The following HMGN5 variants were observed in gnomAD, a reference collection of about 807,000 sequenced individuals.
HMGN5 encodes high mobility group nucleosome binding domain 5.
In HMGN5, 4 loss-of-function variants were observed where a neutral mutation model predicts 9.5. The observed-to-expected ratio is 0.42, with a 90% CI of 0.21 to 0.96. HMGN5 has a LOEUF of 0.96. Ranked by LOEUF, HMGN5 falls within the 40% of genes least tolerant of loss-of-function variation. HMGN5 has a pLI of 0.30. For missense variants in HMGN5, 192 were observed against 187.5 expected (o/e 1.02, Z -0.14); for synonymous variants, 55 against 57.1 (o/e 0.96, Z 0.16).
At chrX:81,154,884 G>A (rs1185414255) in intron 1 of HMGN5, among the ~76,000 whole-genome samples, 1 of 108,291 alleles carries the variant, frequency 9.2e-6, no homozygotes, top group African/African-American at 3.4e-5. Flanking sequence ...ATGCTGGTGA[G>A]GATGTAAAGA....
At chrX:81,153,036 C>T (rs1419140038) in intron 1 of HMGN5, among the ~76,000 whole-genome samples, 46 of 104,319 alleles carry the variant, frequency 4.4e-4, no homozygotes, top group African/African-American at 1.5e-3. Context: ...GGGAGATATA[C>T]CTAATGCTAA....
chrX:81,121,694 C>G (rs1556034179), intron 1 of HMGN5, 22 bp from the exon 2 acceptor site: 3 of 407,072 alleles, frequency 7.4e-6, no homozygotes, highest in South Asian at 5.3e-5. Flanking sequence ...AAAAATCCCT[C>G]GTTATTGGCA....
intron 1 of HMGN5, among the ~76,000 whole-genome samples, chrX:81,141,491 A>AG (rs1556037110): frequency 9.6e-4 from 104 of 108,142 alleles, no homozygotes; most frequent in Non-Finnish European, 1.6e-3. Context: ...AGAGAGAGAG[A>AG]AAGAGAGAGA....
chrX:81,198,323 TTCAC>T (rs1451584059), intron 1 of HMGN5, among the ~76,000 whole-genome samples: 2 of 111,220 alleles, frequency 1.8e-5, no homozygotes, highest in African/African-American at 6.6e-5. Context: ...TTTTAGTACT[TTCAC>T]TCTTCCAGGC....
intron 1 of HMGN5, among the ~76,000 whole-genome samples, chrX:81,199,271 A>G (rs1490091463): frequency 8.9e-6 from 1 of 112,278 alleles, no homozygotes; most frequent in Non-Finnish European, 1.9e-5. Context: ...CATGGATAGG[A>G]AGAATCAATA....
intron 1 of HMGN5, among the ~76,000 whole-genome samples, chrX:81,126,824 G>A (rs886289278): frequency 2.7e-5 from 3 of 111,161 alleles, no homozygotes; most frequent in Non-Finnish European, 5.7e-5. Flanking sequence ...TGATTACTAC[G>A]GTCAAGCAAG....
intron 1 of HMGN5, among the ~76,000 whole-genome samples, chrX:81,153,577 CTCTCTCTATATATATATATATATA>C (rs1417239269): frequency 8.9e-5 from 1 of 11,279 alleles, no homozygotes; most frequent in Non-Finnish European, 1.5e-4. Flanking sequence ...CTCTCTCTCT[CTCTCTCTATATATATATATATATA>C]TATATATATA....
chrX:81,118,518 G>A, intron 4 of HMGN5, 33 bp from the exon 5 acceptor site: 1 of 1,079,730 alleles, frequency 9.3e-7, no homozygotes, highest in Non-Finnish European at 1.3e-6. Context: ...AAAAGAAAAG[G>A]AAAAAAATCA....
At chrX:81,178,585 G>C (rs1247485441) in intron 1 of HMGN5, among the ~76,000 whole-genome samples, 1 of 111,527 alleles carries the variant, frequency 9.0e-6, no homozygotes, top group African/African-American at 3.3e-5. Context: ...AAAAAGTCCA[G>C]GAACAGATGG....
chrX:81,181,746 C>G (rs1353929161), intron 1 of HMGN5, among the ~76,000 whole-genome samples: 1 of 111,881 alleles, frequency 8.9e-6, no homozygotes, highest in African/African-American at 3.3e-5. Flanking sequence ...TAATGACCTA[C>G]AGTGCCATCT....
intron 1 of HMGN5, among the ~76,000 whole-genome samples, chrX:81,201,367 A>G (rs1188094421): frequency 9.0e-6 from 1 of 111,184 alleles, no homozygotes; most frequent in Non-Finnish European, 1.9e-5. Flanking sequence ...AACATCTGCA[A>G]TATGTTCTCC....
At chrX:81,145,270 C>A (rs753742774) in intron 1 of HMGN5, among the ~76,000 whole-genome samples, 1 of 111,722 alleles carries the variant, frequency 9.0e-6, no homozygotes, top group Admixed American at 9.5e-5. Flanking sequence ...GTCAGGTTAC[C>A]CACAAGGGGA....
intron 1 of HMGN5, among the ~76,000 whole-genome samples, chrX:81,128,681 C>A: frequency 9.0e-6 from 1 of 111,167 alleles, no homozygotes; most frequent in Non-Finnish European, 1.9e-5. Flanking sequence ...ATATATGGTT[C>A]ATGCTTTTTT....
Position 81,121,558 on chromosome X carries a change from C to A in HMGN5, c.-9G>T. ...ACCTTTCTTTTGGGCATTGTTGTAG[C>A]TCTCTATAGGAGATCTTAGTCAGCA... On this transcript the variant is annotated 5_prime_UTR_variant, in exon 2 of 7. Coordinates refer to ENST00000358130, the MANE Select transcript of HMGN5 (RefSeq NM_030763.3). The A allele has an allele frequency of 8.4e-7, 1 of 1,195,134 alleles. No individual in the cohort carries two copies. Among genetic ancestry groups the A allele is most frequent in the Non-Finnish European group, 1.1e-6 (1 of 886,268 alleles).
At chrX:81,142,654 T>A (rs1202279146) in intron 1 of HMGN5, among the ~76,000 whole-genome samples, 2 of 111,247 alleles carry the variant, frequency 1.8e-5, no homozygotes, top group Non-Finnish European at 3.8e-5. Context: ...GAAGGAGAAA[T>A]AAAGATTTTT....
chrX:81,179,517 G>C (rs1483405384), intron 1 of HMGN5, among the ~76,000 whole-genome samples: 1 of 111,237 alleles, frequency 9.0e-6, no homozygotes, highest in African/African-American at 3.3e-5. Context: ...ACCTCTTCAA[G>C]GAGAACTACA....
At chrX:81,199,244 G>A (rs2075517936) in intron 1 of HMGN5, among the ~76,000 whole-genome samples, 1 of 112,006 alleles carries the variant, frequency 8.9e-6, no homozygotes, top group African/African-American at 3.3e-5. Flanking sequence ...CAAACAAATG[G>A]AAGAACATTC....
chrX:81,123,302 G>A (rs888740437), intron 1 of HMGN5, among the ~76,000 whole-genome samples: 1 of 110,796 alleles, frequency 9.0e-6, no homozygotes, highest in East Asian at 2.8e-4. Flanking sequence ...ATGAGCCTGC[G>A]TGACTGCTGC....
intron 1 of HMGN5, among the ~76,000 whole-genome samples, chrX:81,149,936 A>C (rs1326735717): frequency 1.8e-5 from 2 of 111,987 alleles, no homozygotes; most frequent in African/African-American, 6.5e-5. Flanking sequence ...AAAGCAACAG[A>C]TAGGTCCCCA....
Sources: gnomAD v4.1 joint callset for allele counts (sites outside exome capture counted in the v4.1 genomes callset) on GRCh38, gnomAD v4.1.1 for gene constraint, MANE v1.5 for transcripts, NCBI Gene and HGNC (gene_info 2026-07-23, HGNC 2026-07-21) for gene names.